Variants in SLC8A1 observed in about 807,000 individuals in gnomAD.
SLC8A1 encodes solute carrier family 8 member A1, also known as sodium/calcium exchanger 1.
A neutral mutation model predicts 68.3 loss-of-function variants in SLC8A1; 18 were observed. The observed-to-expected ratio is 0.26, with a 90% CI of 0.18 to 0.39. The LOEUF (loss-of-function observed/expected upper bound fraction) is 0.39, where lower values mean the gene tolerates loss of function less well. Ranked by LOEUF, SLC8A1 falls within the 10% of genes least tolerant of loss-of-function variation. The pLI is 1.00. For synonymous variants in SLC8A1, 475 were observed against 415.5 expected, an observed-to-expected ratio of 1.14 and a Z score of -1.74; for missense variants, 985 against 1,156.7, an observed-to-expected ratio of 0.85 and a Z score of 2.15.
chr2:40,103,565 T>G (rs1291095362), exon 8 of SLC8A1: 1 of 152,132 alleles, frequency 6.6e-6, no homozygotes, highest in Admixed American at 6.5e-5. Context: ...ACTGGTTAGT[T>G]TTTTTTCCTA....
At position 40,431,407 on chromosome 2, in the gene SLC8A1, T is replaced by C. The variant is rs576774646; in HGVS notation, c.-24-1103A>G. ...AAAATATACACATGATGAAGGACTGTAGGCAAGGAGGGCCATGGCAACAGA... is the reference window on the plus strand; with the variant it reads ...AAAATATACACATGATGAAGGACTGCAGGCAAGGAGGGCCATGGCAACAGA... On this transcript the variant is annotated intron_variant, in intron 1 of 7. Coordinates refer to ENST00000406785, the Ensembl canonical transcript of SLC8A1. Among the ~76,000 whole-genome samples, 5 of 152,126 alleles carry C rather than the reference T, an allele frequency of 3.3e-5. No individual in the cohort carries two copies. In the East Asian group the frequency reaches 7.8e-4, roughly 24 times the overall value.
At chr2:40,426,808 A>G (rs765871218) in intron 2 of SLC8A1, among the ~76,000 whole-genome samples, 1 of 152,034 alleles carries the variant, frequency 6.6e-6, no homozygotes, top group African/African-American at 2.4e-5. Context: ...GCTATCTACT[A>G]CAGAAGGGTT....
At chr2:40,185,152 T>C (rs1453212980) in intron 2 of SLC8A1, among the ~76,000 whole-genome samples, 1 of 152,166 alleles carries the variant, frequency 6.6e-6, no homozygotes, top group Non-Finnish European at 1.5e-5. Flanking sequence ...CCTCATATGC[T>C]GCTAATAGGA....
chr2:40,304,265 T>C (rs2072133371), intron 2 of SLC8A1, among the ~76,000 whole-genome samples: 1 of 152,030 alleles, frequency 6.6e-6, no homozygotes, highest in Admixed American at 6.5e-5. Context: ...TTAATTAGAG[T>C]TTTAGTCCAC....
chr2:40,178,223 T>C (rs1356241652), intron 2 of SLC8A1, among the ~76,000 whole-genome samples, 164 bp downstream of exon 3: 1 of 152,206 alleles, frequency 6.6e-6, no homozygotes, highest in African/African-American at 2.4e-5. Flanking sequence ...CGCTGGCTGA[T>C]GTAGCTACAG....
At chr2:40,352,518 C>G (rs1463208031) in intron 2 of SLC8A1, among the ~76,000 whole-genome samples, 1 of 152,006 alleles carries the variant, frequency 6.6e-6, no homozygotes. Context: ...AACTCATTTC[C>G]AAAACTGAGT....
intron 7 of SLC8A1, among the ~76,000 whole-genome samples, chr2:40,135,289 C>G (rs1326013975): frequency 6.6e-6 from 1 of 152,162 alleles, no homozygotes; most frequent in Non-Finnish European, 1.5e-5. Context: ...TTAAGATGAT[C>G]TCTAGCAGAA....
intron 2 of SLC8A1, among the ~76,000 whole-genome samples, chr2:40,273,110 T>C (rs2066257121): frequency 6.6e-6 from 1 of 151,988 alleles, no homozygotes; most frequent in Admixed American, 6.6e-5. Context: ...GTCCGGCTAA[T>C]TTTTGGATTT....
At chr2:40,213,236 C>A (rs1442578668) in intron 2 of SLC8A1, 1 of 152,090 alleles carries the variant, frequency 6.6e-6, no homozygotes, top group Non-Finnish European at 1.5e-5. Context: ...CACCGAGTGA[C>A]CCAGGAATGA....
chr2:40,500,455 G>C (rs1705982666), intron 1 of SLC8A1, among the ~76,000 whole-genome samples: 1 of 152,000 alleles, frequency 6.6e-6, no homozygotes, highest in Non-Finnish European at 1.5e-5. Flanking sequence ...AATTCCCCTA[G>C]AGTAAATTTA....
At chr2:40,262,695 G>C (rs2064865997) in intron 2 of SLC8A1, among the ~76,000 whole-genome samples, 1 of 152,196 alleles carries the variant, frequency 6.6e-6, no homozygotes, top group African/African-American at 2.4e-5. Context: ...GAATGTGACA[G>C]ACAGGTTGTT....
At chr2:40,329,100 ACG>A (rs893158414) in intron 2 of SLC8A1, among the ~76,000 whole-genome samples, 13 of 143,178 alleles carry the variant, frequency 9.1e-5, no homozygotes, top group Admixed American at 4.3e-4. Flanking sequence ...ACACACACAC[ACG>A]CACTGGACTA....
chr2:40,463,721 G>T (rs1394999689), intron 1 of SLC8A1, among the ~76,000 whole-genome samples: 1 of 151,896 alleles, frequency 6.6e-6, no homozygotes, highest in Non-Finnish European at 1.5e-5. Flanking sequence ...CAGATTGCTT[G>T]GTGGAATCTT....
At chr2:40,357,598 T>C (rs147894495) in intron 2 of SLC8A1, among the ~76,000 whole-genome samples, 7 of 151,910 alleles carry the variant, frequency 4.6e-5, no homozygotes, top group Non-Finnish European at 8.8e-5. Flanking sequence ...GACGACAGGT[T>C]GAAGGGAGCA....
intron 1 of SLC8A1, among the ~76,000 whole-genome samples, chr2:40,447,608 A>G (rs1292329953): frequency 6.7e-6 from 1 of 148,454 alleles, no homozygotes; most frequent in Non-Finnish European, 1.5e-5. Context: ...AAAAAAAAAA[A>G]GAAAGAACAT....
At chr2:40,374,014 A>G (rs1679000434) in intron 2 of SLC8A1, among the ~76,000 whole-genome samples, 1 of 152,140 alleles carries the variant, frequency 6.6e-6, no homozygotes. Flanking sequence ...TCCTTGCCTG[A>G]CCCAGTGTGA....
At chr2:40,195,124 G>T (rs1473431525) in intron 2 of SLC8A1, among the ~76,000 whole-genome samples, 1 of 152,058 alleles carries the variant, frequency 6.6e-6, no homozygotes, top group African/African-American at 2.4e-5. Flanking sequence ...CATTTAGGAT[G>T]AACTGAAGTC....
intron 2 of SLC8A1, 91 bp from the exon 3 acceptor site, chr2:40,178,584 C>T (rs1484568246): frequency 8.8e-6 from 9 of 1,023,476 alleles, no homozygotes; most frequent in South Asian, 5.4e-5. Context: ...TAACCAGCTG[C>T]ACTTTCAGAC....
chr2:40,364,297 C>T (rs570363319), intron 2 of SLC8A1, among the ~76,000 whole-genome samples: 4 of 152,076 alleles, frequency 2.6e-5, no homozygotes, highest in Non-Finnish European at 4.4e-5. Flanking sequence ...AGCTCTTAAG[C>T]CATCAAGTTT....
Sources: allele counts gnomAD v4.1 joint callset (sites outside exome capture counted in the v4.1 genomes callset), GRCh38; gene constraint gnomAD v4.1.1; transcripts MANE v1.5; gene names NCBI Gene and HGNC (gene_info 2026-07-23, HGNC 2026-07-21).